The following F9 variants were observed in gnomAD, a reference collection of about 807,000 sequenced individuals.
The protein encoded by F9 is Christmas factor.
Under a neutral mutation model 34.1 loss-of-function variants are expected in F9, and 2 were observed. The ratio of observed to expected loss-of-function variants is 0.06; its 90% CI spans 0.02 to 0.18. The LOEUF (loss-of-function observed/expected upper bound fraction) is 0.18, where lower values mean the gene tolerates loss of function less well. Ranked by LOEUF, F9 falls within the 10% of genes least tolerant of loss-of-function variation. The pLI is 1.00. For missense variants in F9, 216 were observed against 345.1 expected (o/e 0.63, Z 2.96); for synonymous variants, 137 against 118.8 (o/e 1.15, Z -1.00).
intron 4 of F9, among the ~76,000 whole-genome samples, chrX:139,548,045 T>G (rs1034715801): frequency 8.9e-6 from 1 of 112,270 alleles, no homozygotes; most frequent in African/African-American, 3.2e-5. Flanking sequence ...TGTGTATTTT[T>G]TGAATATATG....
At chrX:139,561,449 TC>T in intron 7 of F9, 74 bp from the exon 8 acceptor site, 3 of 915,804 alleles carry the variant, frequency 3.3e-6, no homozygotes, top group African/African-American at 1.9e-5. Context: ...AGGTCAGTGG[TC>T]CCAAGTAGTC....
chrX:139,563,040 A>C lies in F9; in HGVS notation c.*969A>C, dbSNP rs767140411. The stretch of plus-strand genomic sequence containing the variant: ...GCAAGATTGGCATATCATTGTAACT[A>C]AAAAAGCTGACATTGACCCAGACAT... On this transcript the variant is annotated 3_prime_UTR_variant, in exon 8 of 8. Coordinates refer to ENST00000218099, the MANE Select transcript of F9 (RefSeq NM_000133.4). 9.3e-6 allele frequency: 1 copy of C among 106,981 alleles called. No individual in the cohort carries two copies. Among genetic ancestry groups the C allele is most frequent in the Non-Finnish European group, 1.9e-5 (1 of 52,048 alleles). The allele number at this position is 106,981 out of a possible 1,213,427, so 8.8% of individuals were successfully genotyped here. A position where few individuals can be genotyped will look rare whatever the true frequency, so the allele number is the denominator to read the frequency against.
chrX:139,553,810 C>A (rs4149717), intron 6 of F9, among the ~76,000 whole-genome samples: 2,143 of 47,376 alleles, frequency 0.045, 104 homozygotes, highest in African/African-American at 0.18. Flanking sequence ...GAGACTCCGT[C>A]TCAAAAAAAA....
At chrX:139,531,192 G>GA (rs1455595903) in intron 1 of F9, among the ~76,000 whole-genome samples, 1 of 110,622 alleles carries the variant, frequency 9.0e-6, no homozygotes, top group South Asian at 3.8e-4. Context: ...AGAATATAGT[G>GA]AAAAAAAATA....
chrX:139,537,189 T>C lies in F9; in HGVS notation c.252+16T>C, dbSNP rs1238151524. 1.7e-6 allele frequency: 2 copies of C among 1,205,769 alleles called. No homozygotes were observed. Among genetic ancestry groups the C allele is most frequent in the Admixed American group, 2.2e-5 (1 of 45,992 alleles). On this transcript the variant is annotated intron_variant, in intron 2 of 7. Coordinates refer to ENST00000218099, the MANE Select transcript of F9 (RefSeq NM_000133.4). ...TGAAAGAACAGTGAGTATTTCCACA[T>C]AATACCCTTCAGATGCAGAGCATAG...
At position 139,537,346 on chromosome X, in the gene F9, C is replaced by T; in HGVS notation, c.253-16C>T. 8.4e-7 allele frequency: 1 copy of T among 1,186,740 alleles called. No individual in the cohort carries two copies. The highest frequency in any genetic ancestry group is 1.1e-6 in the Non-Finnish European group (1 of 873,944). On this transcript the variant is annotated splice_polypyrimidine_tract_variant and intron_variant, in intron 2 of 7. Transcript: ENST00000218099. ...TTAGATATTACCGTTAATTTGTCTTCTTTTATTCTTTATAGACTGAATTTT... is the reference window on the plus strand; with the variant it reads ...TTAGATATTACCGTTAATTTGTCTTTTTTTATTCTTTATAGACTGAATTTT...
rs1250919612 is a variant in F9 at position 139,560,711 on chromosome X, G to T, written c.724-30G>T. ...TTTTTTTCTAGATCAAATGTATTAT[G>T]CAGTAAGAGTCTTAATTTTGTTTTC... On this transcript the variant is annotated intron_variant, in intron 6 of 7. Coordinates refer to ENST00000218099, the MANE Select transcript of F9 (RefSeq NM_000133.4). 10 of 976,885 alleles carry T rather than the reference G, an allele frequency of 1.0e-5. No individual in the cohort carries two copies. The Admixed American group carries it at 2.2e-4, about 21-fold the overall frequency. 80.5% of individuals were successfully genotyped at this position (976,885 alleles called of 1,213,427 possible).
intron 6 of F9, among the ~76,000 whole-genome samples, chrX:139,557,573 C>T (rs4149730): frequency 0.028 from 3,188 of 112,040 alleles, 50 homozygotes; most frequent in Middle Eastern, 0.055. Flanking sequence ...CCTAACTAGC[C>T]TACTGAGCTG....
chrX:139,560,320 T>A (rs923388356), intron 6 of F9, among the ~76,000 whole-genome samples: 2 of 111,466 alleles, frequency 1.8e-5, no homozygotes, highest in Non-Finnish European at 3.8e-5. Flanking sequence ...GCAAAAAAAA[T>A]TTCATCATGT....
intron 4 of F9, among the ~76,000 whole-genome samples, chrX:139,542,717 A>C (rs1927629570): frequency 8.9e-6 from 1 of 112,005 alleles, no homozygotes; most frequent in South Asian, 3.7e-4. Context: ...AATAGCCCTG[A>C]GGAATGTAAA....
At chrX:139,533,178 A>G (rs764598415) in intron 1 of F9, among the ~76,000 whole-genome samples, 1 of 112,124 alleles carries the variant, frequency 8.9e-6, no homozygotes, top group East Asian at 2.8e-4. Flanking sequence ...TGACTTAACC[A>G]TCTGGGTATG....
At chrX:139,540,290 A>G (rs2148357606) in intron 3 of F9, among the ~76,000 whole-genome samples, 1 of 111,875 alleles carries the variant, frequency 8.9e-6, no homozygotes, top group South Asian at 3.8e-4. Flanking sequence ...TCTTACCATC[A>G]GTGTCTTCAA....
rs183272761 is a variant in F9 at position 139,538,592 on chromosome X, T to C, written c.277+1206T>C. Reference sequence around the variant, plus strand: ...GAGAGAAAAAGAGTTGACTCTGTTATATTGTTTTATCTACCTTTCCTTGAT... The same window carrying C: ...GAGAGAAAAAGAGTTGACTCTGTTACATTGTTTTATCTACCTTTCCTTGAT... On this transcript the variant is annotated intron_variant, in intron 3 of 7. Transcript: ENST00000218099. 4.0e-3 allele frequency among the ~76,000 whole-genome samples: 443 copies of C among 111,842 alleles called. 1 individual carries two copies. The highest frequency in any genetic ancestry group is 0.014 in the African/African-American group (429 of 30,840).
At chrX:139,543,914 C>T (rs748858059) in intron 4 of F9, among the ~76,000 whole-genome samples, 1 of 111,794 alleles carries the variant, frequency 8.9e-6, no homozygotes, top group South Asian at 3.8e-4. Flanking sequence ...GAACTCTCCC[C>T]TGGAATTCCT....
chrX:139,535,524 C>T lies in F9; in HGVS notation c.89-1486C>T, dbSNP rs187473683. On this transcript the variant is annotated intron_variant, in intron 1 of 7. Transcript: ENST00000218099. ...AAGGGAAGAAAGTTTAGTTCATCTC[C>T]GTTTCTTTCCTTTCCTTTTTACTTT... Among the ~76,000 whole-genome samples, 12 of 111,484 alleles carry T rather than the reference C, an allele frequency of 1.1e-4. No individual in the cohort carries two copies. In the East Asian group the frequency reaches 2.3e-3, roughly 21 times the overall value.
intron 6 of F9, among the ~76,000 whole-genome samples, chrX:139,556,027 A>C (rs1052806074): frequency 1.6e-4 from 18 of 111,550 alleles, no homozygotes; most frequent in African/African-American, 5.9e-4. Context: ...AACTGGCCCC[A>C]AAAATTCCTC....
chrX:139,532,352 G>C (rs1007087925), intron 1 of F9, among the ~76,000 whole-genome samples: 17 of 111,976 alleles, frequency 1.5e-4, no homozygotes, highest in African/African-American at 5.5e-4. Flanking sequence ...GTTTCGGTGA[G>C]TGATTTGCTG....
chrX:139,560,980 A>G, intron 7 of F9, 125 bp downstream of exon 7: 2 of 569,440 alleles, frequency 3.5e-6, no homozygotes, highest in Non-Finnish European at 6.0e-6. Flanking sequence ...CAGAAGGGTC[A>G]TAATTTCAGA....
chrX:139,542,284 A>C (rs1364678015), intron 4 of F9, among the ~76,000 whole-genome samples: 1 of 112,148 alleles, frequency 8.9e-6, no homozygotes, highest in Non-Finnish European at 1.9e-5. Context: ...AGGTAAAAAA[A>C]GGAAAAGGTG....
Sources: gnomAD v4.1 joint callset for allele counts (sites outside exome capture counted in the v4.1 genomes callset) on GRCh38, gnomAD v4.1.1 for gene constraint, MANE v1.5 for transcripts, NCBI Gene and HGNC (gene_info 2026-07-23, HGNC 2026-07-21) for gene names.